OPCML: variants seen among roughly 807,000 people sequenced by gnomAD.
The protein encoded by OPCML is opioid binding protein/cell adhesion molecule like.
In OPCML, 13 loss-of-function variants were observed where a neutral mutation model predicts 37.8. The observed-to-expected ratio is 0.34, with a 90% confidence interval of 0.22 to 0.55. OPCML has a LOEUF of 0.55. Among genes scored for constraint, OPCML ranks in the 20% least tolerant of loss-of-function variants. The pLI, the probability that OPCML is intolerant of heterozygous loss-of-function variation, is 0.91. For synonymous variants in OPCML, 176 were observed against 168.8 expected, an observed-to-expected ratio of 1.04 and a Z score of -0.33; for missense variants, 341 against 435.6, an observed-to-expected ratio of 0.78 and a Z score of 1.93.
At chr11:132,722,141 G>C (rs1226981359) in intron 2 of OPCML, among the ~76,000 whole-genome samples, 2 of 151,468 alleles carry the variant, frequency 1.3e-5, no homozygotes, top group Non-Finnish European at 2.9e-5. Context: ...ATTTTTAGTA[G>C]AGATGGGGTT....
At chr11:133,017,491 G>C (rs1448210703) in intron 1 of OPCML, among the ~76,000 whole-genome samples, 1 of 151,854 alleles carries the variant, frequency 6.6e-6, no homozygotes, top group Non-Finnish European at 1.5e-5. Context: ...TCCGCCTCCT[G>C]GGTTCAAGCA....
intron 1 of OPCML, among the ~76,000 whole-genome samples, chr11:133,294,318 G>C (rs1386668179): frequency 6.6e-6 from 1 of 152,136 alleles, no homozygotes; most frequent in African/African-American, 2.4e-5. Flanking sequence ...TTGAGATCAG[G>C]GGCTGAAGTC....
rs561780333 is a variant in OPCML, at chr11:132,512,836, G to A, written c.505+16225C>T. Among the ~76,000 whole-genome samples, 18 of 151,852 alleles carry A rather than the reference G, an allele frequency of 1.2e-4. No individual in the cohort carries two copies. The East Asian group carries it at 3.1e-3, about 26-fold the overall frequency. On this transcript the variant is annotated intron_variant, in intron 4 of 7. Transcript: ENST00000524381. ...AGTGTTTGCCTCAAGTTGAAAGTGG[G>A]GATAGGTTTTGGGAAGAATAAGAAA...
intron 2 of OPCML, among the ~76,000 whole-genome samples, chr11:132,881,048 T>C (rs753924293): frequency 2.0e-5 from 3 of 152,198 alleles, no homozygotes; most frequent in African/African-American, 7.2e-5. Flanking sequence ...TCACATGACA[T>C]AGTTTGAAAG....
intron 4 of OPCML, among the ~76,000 whole-genome samples, chr11:132,449,419 AG>A (rs1200450499): frequency 6.6e-6 from 1 of 152,140 alleles, no homozygotes; most frequent in Non-Finnish European, 1.5e-5. Context: ...AGATGATTTG[AG>A]GCCCATTTTC....
intron 4 of OPCML, among the ~76,000 whole-genome samples, chr11:132,485,111 G>T (rs1343867416): frequency 6.6e-6 from 1 of 151,788 alleles, no homozygotes; most frequent in Non-Finnish European, 1.5e-5. Flanking sequence ...AAAAGAATTA[G>T]TTCTTAATAT....
At chr11:132,979,056 T>G (rs779325217) in intron 1 of OPCML, among the ~76,000 whole-genome samples, 12 of 152,144 alleles carry the variant, frequency 7.9e-5, no homozygotes, top group South Asian at 2.1e-4. Context: ...CAGCCTTGAC[T>G]CTTTCCACCC....
chr11:132,976,021 C>A (rs777248063), intron 1 of OPCML, among the ~76,000 whole-genome samples: 1 of 152,186 alleles, frequency 6.6e-6, no homozygotes, highest in African/African-American at 2.4e-5. Context: ...CCGCCCACCT[C>A]GGCCTAGCTA....
intron 4 of OPCML, among the ~76,000 whole-genome samples, chr11:132,489,131 T>A (rs1592254053): frequency 1.3e-5 from 2 of 152,246 alleles, no homozygotes; most frequent in Admixed American, 1.3e-4. Flanking sequence ...TTTTAAAATG[T>A]ATTATTATTT....
Position 133,025,947 on chromosome 11 carries a change from G to A in OPCML, c.62-82937C>T, listed in dbSNP as rs113981728. On this transcript the variant is annotated intron_variant, in intron 1 of 7. Transcript: ENST00000524381. ...ATGGGGTTTCACCATGTTGGCCAGC[G>A]TGGTCTCGAACTCCTGACCTCAGGT... is the stretch of plus-strand genomic sequence containing the variant. The A allele has an allele frequency of 3.4e-3, 1,252 of 365,262 alleles. 12 individuals carry two copies. The highest frequency in any genetic ancestry group is 0.025 in the African/African-American group (1,118 of 45,308). 22.6% of individuals were successfully genotyped at this position (365,262 alleles called of 1,614,324 possible).
chr11:132,458,655 T>A lies in OPCML; in HGVS notation c.506-21296A>T, dbSNP rs60741599. 1.0e-3 allele frequency among the ~76,000 whole-genome samples: 155 copies of A among 152,252 alleles called. 1 individual carries two copies. Among genetic ancestry groups the A allele is most frequent in the African/African-American group, 3.3e-3 (138 of 41,548 alleles). On this transcript the variant is annotated intron_variant, in intron 4 of 7. Transcript: ENST00000524381. The stretch of plus-strand genomic sequence containing the variant: ...TTTTTAAAAATAATGATTCTTTTTT[T>A]AAAAAACACTGATAAACCCATTACA...
chr11:133,300,307 A>G (rs1254555994), intron 1 of OPCML: 1 of 152,232 alleles, frequency 6.6e-6, no homozygotes, highest in African/African-American at 2.4e-5. Context: ...ACTGACGTTC[A>G]TGCTTCTCCC....
chr11:133,410,497 G>A (rs1945622768), intron 1 of OPCML, among the ~76,000 whole-genome samples: 1 of 151,484 alleles, frequency 6.6e-6, no homozygotes, highest in Admixed American at 6.6e-5. Context: ...GGTTATAATT[G>A]CTCCCTCGAG....
At chr11:132,760,898 G>C (rs560521151) in intron 2 of OPCML, among the ~76,000 whole-genome samples, 142 of 152,200 alleles carry the variant, frequency 9.3e-4, no homozygotes, top group Non-Finnish European at 1.7e-3. Context: ...CAGTGTCGAT[G>C]GCCTTTATAT....
At chr11:132,793,510 C>A (rs1341065104) in intron 2 of OPCML, among the ~76,000 whole-genome samples, 1 of 152,164 alleles carries the variant, frequency 6.6e-6, no homozygotes, top group African/African-American at 2.4e-5. Flanking sequence ...TCTGTGAATT[C>A]TTCAGCACCT....
chr11:133,420,382 T>G (rs1411824455), intron 1 of OPCML: 2 of 985,344 alleles, frequency 2.0e-6, no homozygotes, highest in African/African-American at 3.5e-5. Flanking sequence ...AGGACAGTAG[T>G]TGGTTCTTTT....
rs532475300 is a variant in OPCML, at chr11:132,901,328, T to A, written c.146+41598A>T. 2.6e-5 allele frequency among the ~76,000 whole-genome samples: 4 copies of A among 152,280 alleles called. No homozygotes were observed. In the East Asian group the frequency reaches 7.7e-4, roughly 29 times the overall value. On this transcript the variant is annotated intron_variant, in intron 2 of 7. Coordinates refer to ENST00000524381, the MANE Select transcript of OPCML (RefSeq NM_001012393.5). Reference sequence around the variant, plus strand: ...CAGCTAAATAATTAAAATCTCACCATAATAAATCACCAATGAACAACACAG... The same window carrying A: ...CAGCTAAATAATTAAAATCTCACCAAAATAAATCACCAATGAACAACACAG...
chr11:132,715,997 T>C (rs894091452), intron 2 of OPCML, among the ~76,000 whole-genome samples: 1 of 152,234 alleles, frequency 6.6e-6, no homozygotes, highest in African/African-American at 2.4e-5. Context: ...GAAAAAAAAT[T>C]CGGTGCCAAT....
intron 2 of OPCML, among the ~76,000 whole-genome samples, chr11:132,660,306 C>T (rs1389517288): frequency 1.3e-5 from 2 of 152,164 alleles, no homozygotes; most frequent in Non-Finnish European, 2.9e-5. Flanking sequence ...TATTTGAATG[C>T]TTTCCAAGAT....
Sources: gnomAD v4.1 joint callset for allele counts (sites outside exome capture counted in the v4.1 genomes callset) on GRCh38, gnomAD v4.1.1 for gene constraint, MANE v1.5 for transcripts, NCBI Gene and HGNC (gene_info 2026-07-23, HGNC 2026-07-21) for gene names.